PPFIBP1: variants seen among roughly 807,000 people sequenced by gnomAD.
PPFIBP1 encodes PPFIB scaffold protein 1.
In PPFIBP1, 112 loss-of-function variants were observed where a neutral mutation model predicts 137.8. The observed-to-expected ratio is 0.81, with a 90% CI of 0.70 to 0.95. The LOEUF is 0.95. Among genes scored for constraint, PPFIBP1 ranks in the 40% least tolerant of loss-of-function variants. The probability of loss-of-function intolerance (pLI) is 0.00; values close to 1 mark genes in which losing one functional copy is unlikely to be tolerated. For missense variants in PPFIBP1, 1,083 were observed against 1,196.6 expected, an observed-to-expected ratio of 0.91 and a Z score of 1.40; for synonymous variants, 378 against 417.3, an observed-to-expected ratio of 0.91 and a Z score of 1.15.
chr12:27,539,632 T>C (rs1945436776), intron 1 of PPFIBP1, among the ~76,000 whole-genome samples: 1 of 152,186 alleles, frequency 6.6e-6, no homozygotes, highest in African/African-American at 2.4e-5. Context: ...TCTGTGGGAG[T>C]AGAAGGGTGG....
rs916523517 is a variant in PPFIBP1, at chr12:27,694,657, T to C, written c.*1775T>C. On this transcript the variant is annotated 3_prime_UTR_variant, in exon 30 of 30. Transcript: ENST00000228425. Reference sequence around the variant, plus strand: ...TGTAGCACTGGGCCCAAATATTCTTTGTAAAGAAAATCGCTGCAGCAAAAA... The same window carrying C: ...TGTAGCACTGGGCCCAAATATTCTTCGTAAAGAAAATCGCTGCAGCAAAAA... The C allele has an allele frequency of 6.6e-6, 1 of 152,240 alleles. No individual in the cohort carries two copies. Among genetic ancestry groups the C allele is most frequent in the Non-Finnish European group, 1.5e-5 (1 of 68,040 alleles). The allele number at this position is 152,240 out of a possible 1,614,324, so 9.4% of individuals were successfully genotyped here.
At chr12:27,600,075 A>G (rs1429566108) in intron 2 of PPFIBP1, among the ~76,000 whole-genome samples, 2 of 152,196 alleles carry the variant, frequency 1.3e-5, no homozygotes, top group African/African-American at 4.8e-5. Context: ...GTGTAAGCTG[A>G]GAGGTATATG....
intron 2 of PPFIBP1, among the ~76,000 whole-genome samples, chr12:27,610,927 G>A (rs1278550839): frequency 1.2e-4 from 18 of 150,778 alleles, no homozygotes; most frequent in Non-Finnish European, 2.1e-4. Flanking sequence ...AATTTTACTA[G>A]GGGTGAGGTG....
intron 4 of PPFIBP1, among the ~76,000 whole-genome samples, chr12:27,642,534 A>C (rs187456278): frequency 3.2e-4 from 49 of 152,328 alleles, no homozygotes; most frequent in Non-Finnish European, 6.0e-4. Flanking sequence ...TGACCAACTC[A>C]CATAAAATTA....
chr12:27,640,156 T>C (rs1473329687), intron 4 of PPFIBP1, among the ~76,000 whole-genome samples: 3 of 152,176 alleles, frequency 2.0e-5, no homozygotes, highest in East Asian at 3.8e-4. Flanking sequence ...AACAAATTGA[T>C]CAAATCGGCA....
At chr12:27,629,488 A>T (rs916157872) in intron 2 of PPFIBP1, among the ~76,000 whole-genome samples, 3 of 152,196 alleles carry the variant, frequency 2.0e-5, no homozygotes, top group Non-Finnish European at 4.4e-5. Flanking sequence ...ATATAAAAGT[A>T]TCATACAGTA....
chr12:27,603,653 T>C (rs1412011902), intron 2 of PPFIBP1, among the ~76,000 whole-genome samples: 1 of 152,202 alleles, frequency 6.6e-6, no homozygotes, highest in Non-Finnish European at 1.5e-5. Flanking sequence ...CTGGCCATCA[T>C]GGTTAGGGAA....
intron 24 of PPFIBP1, among the ~76,000 whole-genome samples, chr12:27,686,539 A>G (rs2061211186): frequency 1.3e-5 from 2 of 152,210 alleles, no homozygotes; most frequent in African/African-American, 4.8e-5. Flanking sequence ...GACTCTGACC[A>G]AAACCTTTGC....
rs923835390 is a variant in PPFIBP1, at chr12:27,694,991, A to G, written c.*2109A>G. On this transcript the variant is annotated 3_prime_UTR_variant, in exon 30 of 30. Coordinates refer to ENST00000228425, the MANE Select transcript of PPFIBP1 (RefSeq NM_003622.4). ...TAATTTTCTTTAAACTCTACCATTC[A>G]TTATGTGGTAACTGTATTGAACTTA... 1 of 152,200 alleles carries G rather than the reference A, an allele frequency of 6.6e-6. No homozygotes were observed. The highest frequency in any genetic ancestry group is 1.5e-5 in the Non-Finnish European group (1 of 68,034). The allele number at this position is 152,200 out of a possible 1,614,324, so 9.4% of individuals were successfully genotyped here. A position where few individuals can be genotyped will look rare whatever the true frequency, so the allele number is the denominator to read the frequency against.
intron 2 of PPFIBP1, among the ~76,000 whole-genome samples, chr12:27,632,816 A>G (rs945383915): frequency 2.0e-5 from 3 of 152,182 alleles, no homozygotes; most frequent in Non-Finnish European, 2.9e-5. Context: ...TGTGATAGCT[A>G]TGGCTCCACT....
intron 1 of PPFIBP1, among the ~76,000 whole-genome samples, chr12:27,558,225 T>G (rs1263882919): frequency 6.6e-6 from 1 of 151,874 alleles, no homozygotes; most frequent in South Asian, 2.1e-4. Flanking sequence ...CTCTTTCTTA[T>G]ACCTTTTTCT....
At chr12:27,661,486 C>G (rs200085751) in intron 11 of PPFIBP1, among the ~76,000 whole-genome samples, 31 of 147,380 alleles carry the variant, frequency 2.1e-4, no homozygotes, top group Middle Eastern at 3.4e-3. Flanking sequence ...CCTCCCCCCC[C>G]AGTTGGTTCT....
chr12:27,567,061 G>C (rs1162492974), intron 1 of PPFIBP1, among the ~76,000 whole-genome samples: 1 of 152,182 alleles, frequency 6.6e-6, no homozygotes, highest in East Asian at 1.9e-4. Flanking sequence ...TGTTCTGTCT[G>C]TCTTTCTAAT....
At chr12:27,647,648 T>TG (rs955828088) in intron 5 of PPFIBP1, 81 bp from the exon 6 acceptor site, 1 of 842,972 alleles carries the variant, frequency 1.2e-6, no homozygotes, top group Non-Finnish European at 1.8e-6. Flanking sequence ...CATTCCTTTT[T>TG]TTGTTCCATT....
At chr12:27,673,631 G>T in intron 15 of PPFIBP1, 136 bp from the exon 16 acceptor site, 1 of 677,644 alleles carries the variant, frequency 1.5e-6, no homozygotes, top group Non-Finnish European at 2.6e-6. Context: ...GCACATAAGT[G>T]ACTGCCTGAT....
intron 1 of PPFIBP1, among the ~76,000 whole-genome samples, chr12:27,541,610 T>G (rs1332349800): frequency 1.3e-5 from 2 of 152,208 alleles, no homozygotes; most frequent in African/African-American, 2.4e-5. Context: ...GTGGGAGGAC[T>G]CATAGGAGCC....
intron 2 of PPFIBP1, among the ~76,000 whole-genome samples, chr12:27,619,768 T>C (rs1330632297): frequency 6.6e-6 from 1 of 152,188 alleles, no homozygotes; most frequent in Admixed American, 6.5e-5. Context: ...TAGGTGTATG[T>C]ATTTGTCAGA....
intron 19 of PPFIBP1, among the ~76,000 whole-genome samples, chr12:27,678,404 A>G (rs144466909): frequency 6.6e-6 from 1 of 152,354 alleles, no homozygotes; most frequent in African/African-American, 2.4e-5. Flanking sequence ...CCTAGGATTT[A>G]ATAGATTGGA....
At chr12:27,527,040 A>T (rs1943836788) in intron 1 of PPFIBP1, among the ~76,000 whole-genome samples, 2 of 152,170 alleles carry the variant, frequency 1.3e-5, no homozygotes, top group Non-Finnish European at 2.9e-5. Context: ...CCACCGTGAG[A>T]TAAATCAGAA....
Sources: allele counts gnomAD v4.1 joint callset (sites outside exome capture counted in the v4.1 genomes callset), GRCh38; gene constraint gnomAD v4.1.1; transcripts MANE v1.5; gene names NCBI Gene and HGNC (gene_info 2026-07-23, HGNC 2026-07-21).